Variants in EDIL3 observed in about 807,000 individuals in gnomAD.
The protein encoded by EDIL3 is EGF-like repeat and discoidin I-like domain-containing protein 3.
EDIL3 carries 37 observed loss-of-function variants against 67.4 expected under a neutral mutation model. The ratio of observed to expected loss-of-function variants is 0.55; its 90% CI spans 0.42 to 0.72. The LOEUF is 0.72. EDIL3 is among the 30% of genes least tolerant of loss of function. The pLI, the probability that EDIL3 is intolerant of heterozygous loss-of-function variation, is 0.00. For missense variants in EDIL3, 527 were observed against 586.3 expected, an observed-to-expected ratio of 0.90 and a Z score of 1.04; for synonymous variants, 195 against 196.3, an observed-to-expected ratio of 0.99 and a Z score of 0.05.
At chr5:83,947,530 C>A (rs1305273909) in intron 10 of EDIL3, among the ~76,000 whole-genome samples, 1 of 151,718 alleles carries the variant, frequency 6.6e-6, no homozygotes, top group East Asian at 2.0e-4. Context: ...CTCTGATCCT[C>A]AGAAACCCTG....
chr5:84,051,520 G>A (rs1271605344), intron 9 of EDIL3, among the ~76,000 whole-genome samples: 7 of 152,198 alleles, frequency 4.6e-5, no homozygotes, highest in Non-Finnish European at 1.0e-4. Flanking sequence ...CGAACTAAAG[G>A]AGGAAGTTCG....
At chr5:83,958,421 C>G (rs913099619) in intron 10 of EDIL3, among the ~76,000 whole-genome samples, 5 of 151,418 alleles carry the variant, frequency 3.3e-5, no homozygotes, top group African/African-American at 1.2e-4. Context: ...CGTGTGATTC[C>G]TCTTTAAGGA....
At chr5:84,157,597 T>C (rs1472940578) in intron 4 of EDIL3, among the ~76,000 whole-genome samples, 1 of 152,040 alleles carries the variant, frequency 6.6e-6, no homozygotes, top group African/African-American at 2.4e-5. Flanking sequence ...TAAAGTCTGG[T>C]TCTATGTTTT....
At chr5:84,064,918 A>G (rs911936679) in intron 7 of EDIL3, 74 bp from the exon 8 acceptor site, 2 of 1,447,328 alleles carry the variant, frequency 1.4e-6, no homozygotes, top group East Asian at 2.4e-5. Flanking sequence ...CCCTATCTAT[A>G]CCTTATCGAA....
chr5:84,319,062 T>C (rs1746571315), intron 1 of EDIL3, among the ~76,000 whole-genome samples: 1 of 152,208 alleles, frequency 6.6e-6, no homozygotes, highest in Non-Finnish European at 1.5e-5. Context: ...ATGCTCATCA[T>C]CACTGGTCAT....
At chr5:83,975,461 T>G (rs1328139679) in intron 9 of EDIL3, among the ~76,000 whole-genome samples, 1 of 151,972 alleles carries the variant, frequency 6.6e-6, no homozygotes, top group East Asian at 1.9e-4. Flanking sequence ...TATTCAAGAT[T>G]TTAAAAACTT....
intron 4 of EDIL3, among the ~76,000 whole-genome samples, chr5:84,149,264 G>C (rs1421253974): frequency 6.6e-6 from 1 of 152,170 alleles, no homozygotes; most frequent in Admixed American, 6.5e-5. Context: ...ACTCAGCAGA[G>C]GGTAGATTAG....
intron 1 of EDIL3, among the ~76,000 whole-genome samples, chr5:84,383,114 G>C (rs1356866272): frequency 2.0e-5 from 3 of 152,188 alleles, no homozygotes; most frequent in Admixed American, 2.0e-4. Flanking sequence ...ACCTTTTTTA[G>C]AGGCACAGCA....
In EDIL3 at chr5:84,279,514, T is replaced by C. The variant is rs185892526; in HGVS notation, c.68-25302A>G. Among the ~76,000 whole-genome samples the C allele has an allele frequency of 8.5e-5, 13 of 152,332 alleles. No homozygotes were observed. The East Asian group carries it at 2.5e-3, about 29-fold the overall frequency. Reference sequence around the variant, plus strand: ...AAATAGCTGAAGCTTTATGAACAGATTATGCTATGATGTACATATCTTAAA... The same window carrying C: ...AAATAGCTGAAGCTTTATGAACAGACTATGCTATGATGTACATATCTTAAA... On this transcript the variant is annotated intron_variant, in intron 1 of 10. Coordinates refer to ENST00000296591, the MANE Select transcript of EDIL3 (RefSeq NM_005711.5).
At position 84,379,187 on chromosome 5, in the gene EDIL3, C is replaced by T. The variant is rs539139768; in HGVS notation, c.67+5121G>A. Among the ~76,000 whole-genome samples, 41 of 152,266 alleles carry T rather than the reference C, an allele frequency of 2.7e-4. 1 individual carries two copies. Among genetic ancestry groups the T allele is most frequent in the African/African-American group, 8.2e-4 (34 of 41,572 alleles). On this transcript the variant is annotated intron_variant, in intron 1 of 10. Coordinates refer to ENST00000296591, the MANE Select transcript of EDIL3 (RefSeq NM_005711.5). ...AAAGGGTATAATGGTGAATCTGTAA[C>T]ATAGTTTTGAGGGCTACATCAGCAG...
intron 1 of EDIL3, among the ~76,000 whole-genome samples, chr5:84,260,929 T>C (rs1745213571): frequency 1.3e-5 from 2 of 152,224 alleles, no homozygotes; most frequent in Non-Finnish European, 2.9e-5. Flanking sequence ...GTGAAGAACA[T>C]TGCAATACAT....
Position 84,024,710 on chromosome 5 carries a change from A to G in EDIL3, c.1137+35590T>C, listed in dbSNP as rs537931837. 9.2e-5 allele frequency among the ~76,000 whole-genome samples: 14 copies of G among 152,282 alleles called. No individual in the cohort carries two copies. In the South Asian group the frequency reaches 2.9e-3, roughly 32 times the overall value. ...GTTCAAATATTTAGTGAAAATTAGT[A>G]TTTCACACAACATGAAATATCAAAA... On this transcript the variant is annotated intron_variant, in intron 9 of 10. Coordinates refer to ENST00000296591, the MANE Select transcript of EDIL3 (RefSeq NM_005711.5).
chr5:84,228,447 A>C (rs1369699815), intron 3 of EDIL3, among the ~76,000 whole-genome samples: 2 of 152,162 alleles, frequency 1.3e-5, no homozygotes, highest in African/African-American at 4.8e-5. Flanking sequence ...GGAAACTCAC[A>C]AACAGATGAG....
intron 2 of EDIL3, among the ~76,000 whole-genome samples, chr5:84,245,351 TC>T (rs1226021860): frequency 1.3e-5 from 2 of 152,184 alleles, no homozygotes; most frequent in African/African-American, 4.8e-5. Flanking sequence ...TAACTCCAAA[TC>T]TATATTACTA....
intron 3 of EDIL3, among the ~76,000 whole-genome samples, chr5:84,196,639 T>G (rs142857004): frequency 1.3e-5 from 2 of 152,118 alleles, no homozygotes; most frequent in African/African-American, 4.8e-5. Context: ...TGCCTGGTAA[T>G]GATGCATCCA....
At position 84,177,698 on chromosome 5, in the gene EDIL3, T is replaced by C. The variant is rs535686806; in HGVS notation, c.355+2695A>G. 7.6e-4 allele frequency among the ~76,000 whole-genome samples: 115 copies of C among 152,248 alleles called. 2 individuals are homozygous for C. Among genetic ancestry groups the C allele is most frequent in the Non-Finnish European group, 2.9e-5 (2 of 67,982 alleles). ...ATATATGGGACTCTGTACTTTCTGC[T>C]TGATTTTTTGGTAAACCTAAAACTG... On this transcript the variant is annotated intron_variant, in intron 4 of 10. Transcript: ENST00000296591.
At chr5:84,239,157 A>G (rs553723675) in intron 2 of EDIL3, among the ~76,000 whole-genome samples, 1 of 152,312 alleles carries the variant, frequency 6.6e-6, no homozygotes, top group African/African-American at 2.4e-5. Context: ...TTTAAAAGCT[A>G]TTGTAATTCT....
At chr5:84,119,328 G>A (rs934873373) in intron 5 of EDIL3, among the ~76,000 whole-genome samples, 1 of 143,482 alleles carries the variant, frequency 7.0e-6, no homozygotes, top group Non-Finnish European at 1.5e-5. Context: ...ACATAAGCAC[G>A]ATTATTAATC....
In EDIL3 at chr5:84,121,203, G is replaced by C. The variant is rs114025606; in HGVS notation, c.470-14373C>G. On this transcript the variant is annotated intron_variant, in intron 5 of 10. Coordinates refer to ENST00000296591, the MANE Select transcript of EDIL3 (RefSeq NM_005711.5). ...CTCCAACTTAGTTTCATTGCTATCT[G>C]CTTAGTTGCTGAAAGTGAGAAATCA... Among the ~76,000 whole-genome samples the C allele has an allele frequency of 6.2e-3, 940 of 152,026 alleles. 10 individuals are homozygous for C. The highest frequency in any genetic ancestry group is 0.022 in the African/African-American group (895 of 41,508).
Sources: allele counts gnomAD v4.1 joint callset (sites outside exome capture counted in the v4.1 genomes callset), GRCh38; gene constraint gnomAD v4.1.1; transcripts MANE v1.5; gene names NCBI Gene and HGNC (gene_info 2026-07-23, HGNC 2026-07-21).